The following CDKN2B-AS1 variants were observed in gnomAD, a reference collection of about 807,000 sequenced individuals.
The protein encoded by CDKN2B-AS1 is CDKN2B antisense RNA 1 (non-protein coding).
At chr9:22,054,859 C>T (rs941930156) in intron 3 of CDKN2B-AS1, among the ~76,000 whole-genome samples, 2 of 151,736 alleles carry the variant, frequency 1.3e-5, no homozygotes, top group African/African-American at 4.8e-5. Flanking sequence ...TCAAGCAATT[C>T]TCCTGCCTCT....
chr9:22,064,580 A>G (rs778791189), intron 4 of CDKN2B-AS1, among the ~76,000 whole-genome samples: 2 of 152,210 alleles, frequency 1.3e-5, no homozygotes, highest in Non-Finnish European at 1.5e-5. Flanking sequence ...TTGACCACAA[A>G]TATTCCAAAG....
At chr9:22,087,708 G>A (rs1359376377) in intron 4 of CDKN2B-AS1, among the ~76,000 whole-genome samples, 1 of 152,032 alleles carries the variant, frequency 6.6e-6, no homozygotes, top group Non-Finnish European at 1.5e-5. Flanking sequence ...CTTTGATTTT[G>A]TCATATCCTT....
At position 22,014,780 on chromosome 9, in the gene CDKN2B-AS1, C is replaced by T. The variant is rs1441920891; in HGVS notation, n.29+19619C>T. 4.2e-5 allele frequency among the ~76,000 whole-genome samples: 5 copies of T among 118,106 alleles called. No individual in the cohort carries two copies. In the East Asian group the frequency reaches 1.6e-3, roughly 37 times the overall value. The allele number at this position is 118,106 out of a possible 152,430, so 77.5% of individuals were successfully genotyped here. A position where few individuals can be genotyped will look rare whatever the true frequency, so the allele number is the denominator to read the frequency against. The stretch of plus-strand genomic sequence containing the variant: ...CCCCCTCCCCCCACCCCACAACAGT[C>T]CCCAGAGTGTGATGTTCCCCTTCCT... On this transcript the variant is annotated intron_variant and non_coding_transcript_variant, in intron 1 of 4. Coordinates refer to ENST00000650946, the Ensembl canonical transcript of CDKN2B-AS1.
Position 22,005,746 on chromosome 9 carries a change from C to T in CDKN2B-AS1, n.29+10585C>T. On this transcript the variant is annotated intron_variant and non_coding_transcript_variant, in intron 1 of 4. Transcript: ENST00000650946. The surrounding 1 kb of genome is among the most constrained non-coding windows in gnomAD (Gnocchi z 4.9). Reference sequence around the variant, plus strand: ...GAATGTCACACACTCCTAAATATCCCTGGAAATCCGCTTCTCTGTGTTTCG... The same window carrying T: ...GAATGTCACACACTCCTAAATATCCTTGGAAATCCGCTTCTCTGTGTTTCG... 1.6e-6 allele frequency: 1 copy of T among 607,082 alleles called. No individual in the cohort carries two copies. Among genetic ancestry groups the T allele is most frequent in the Non-Finnish European group, 2.9e-6 (1 of 343,534 alleles). 37.6% of individuals were successfully genotyped at this position (607,082 alleles called of 1,614,324 possible).
chr9:22,102,762 A>G (rs142875667), intron 4 of CDKN2B-AS1, among the ~76,000 whole-genome samples: 2 of 152,326 alleles, frequency 1.3e-5, no homozygotes, highest in African/African-American at 2.4e-5. Flanking sequence ...AAGTGAGGGC[A>G]TGGTGCAGAG....
intron 4 of CDKN2B-AS1, among the ~76,000 whole-genome samples, chr9:22,089,986 C>T (rs1468678814): frequency 1.7e-5 from 2 of 115,928 alleles, no homozygotes; most frequent in African/African-American, 6.6e-5. Flanking sequence ...CCTCCCCCCA[C>T]CCCACAACAG....
chr9:22,104,241 G>T (rs1302269639), intron 4 of CDKN2B-AS1, among the ~76,000 whole-genome samples: 1 of 152,152 alleles, frequency 6.6e-6, no homozygotes, highest in Non-Finnish European at 1.5e-5. Flanking sequence ...ACATTGTAAA[G>T]ATTAACTGGA....
chr9:22,097,636 TA>T (rs1273115648), intron 4 of CDKN2B-AS1, among the ~76,000 whole-genome samples: 1 of 152,204 alleles, frequency 6.6e-6, no homozygotes, highest in Non-Finnish European at 1.5e-5. Context: ...GCCACAACCC[TA>T]AAAGGGAACT....
intron 1 of CDKN2B-AS1, among the ~76,000 whole-genome samples, chr9:22,036,778 G>A (rs1007077330): frequency 5.9e-5 from 9 of 152,016 alleles, no homozygotes; most frequent in African/African-American, 1.7e-4. Flanking sequence ...CCTTTGGAGA[G>A]GTATTATAGA....
chr9:22,034,054 A>C (rs995694579), intron 1 of CDKN2B-AS1, among the ~76,000 whole-genome samples: 1 of 152,220 alleles, frequency 6.6e-6, no homozygotes, highest in South Asian at 2.1e-4. Context: ...AAAGACATGA[A>C]GTTAATGAAT....
At chr9:22,105,928 T>C (rs7859362) in intron 4 of CDKN2B-AS1, among the ~76,000 whole-genome samples, 97,531 of 152,050 alleles carry the variant, frequency 0.64, 33,401 homozygotes, top group African/African-American at 0.9. Context: ...ATGGAGTCAG[T>C]CTGGGAGACT....
intron 4 of CDKN2B-AS1, among the ~76,000 whole-genome samples, chr9:22,084,886 C>A (rs753754919): frequency 1.3e-5 from 2 of 152,070 alleles, no homozygotes; most frequent in Non-Finnish European, 2.9e-5. Flanking sequence ...AGTCATACAG[C>A]TGAAATTGTG....
rs1035736781 is a variant in CDKN2B-AS1, at chr9:22,043,386, A to AT, written n.30-3356dup. 9.9e-5 allele frequency among the ~76,000 whole-genome samples: 15 copies of AT among 151,572 alleles called. No individual in the cohort carries two copies. In the East Asian group the frequency reaches 1.2e-3, roughly 12 times the overall value. On this transcript the variant is annotated intron_variant and non_coding_transcript_variant, in intron 1 of 4. Coordinates refer to ENST00000650946, the Ensembl canonical transcript of CDKN2B-AS1. Reference sequence around the variant, plus strand: ...TTTCCACATTCGCTGCCTTTATAAGATTTTTTTTTCTTCATCAAAATCTAT... The same window carrying AT: ...TTTCCACATTCGCTGCCTTTATAAGATTTTTTTTTTCTTCATCAAAATCTAT...
intron 1 of CDKN2B-AS1, among the ~76,000 whole-genome samples, chr9:22,019,017 C>T (rs1821908391): frequency 6.6e-6 from 1 of 152,126 alleles, no homozygotes; most frequent in Non-Finnish European, 1.5e-5. Flanking sequence ...GAGAGGCAGT[C>T]ATTCCAAGGA....
intron 1 of CDKN2B-AS1, among the ~76,000 whole-genome samples, chr9:22,031,491 A>T (rs1290201414): frequency 1.3e-5 from 2 of 152,190 alleles, no homozygotes; most frequent in African/African-American, 4.8e-5. Flanking sequence ...TGGTCCTGAT[A>T]CTCATGCTTT....
At chr9:22,044,148 G>A (rs939286777) in intron 1 of CDKN2B-AS1, among the ~76,000 whole-genome samples, 8 of 151,964 alleles carry the variant, frequency 5.3e-5, no homozygotes, top group East Asian at 1.9e-4. Flanking sequence ...TAACTAACAC[G>A]ACAAGATGTT....
chr9:22,036,975 T>C (rs1416833890), intron 1 of CDKN2B-AS1, among the ~76,000 whole-genome samples: 1 of 152,080 alleles, frequency 6.6e-6, no homozygotes, highest in East Asian at 1.9e-4. Context: ...AATGTACCAG[T>C]TTGGCTCTGT....
chr9:22,113,558 C>G (rs1825858515), intron 4 of CDKN2B-AS1: 1 of 152,180 alleles, frequency 6.6e-6, no homozygotes, highest in Admixed American at 6.5e-5. Context: ...CCTGCTGCAG[C>G]CTGGTTTCTT....
At position 21,996,485 on chromosome 9, in the gene CDKN2B-AS1, C is replaced by T. The variant is rs1314848661; in HGVS notation, n.29+1324C>T. 6.6e-6 allele frequency among the ~76,000 whole-genome samples: 1 copy of T among 152,122 alleles called. No individual in the cohort carries two copies. Among genetic ancestry groups the T allele is most frequent in the Non-Finnish European group, 1.5e-5 (1 of 68,030 alleles). On this transcript the variant is annotated intron_variant and non_coding_transcript_variant, in intron 1 of 4. Coordinates refer to ENST00000650946, the Ensembl canonical transcript of CDKN2B-AS1. The surrounding 1 kb of genome is among the most constrained non-coding windows in gnomAD (Gnocchi z 5.4). ...TCTTCTGAAGTAAGTAGCCCTTCCT[C>T]AGAAATGCTTCCCTTTTCAGGCACC...
Sources: allele counts gnomAD v4.1 joint callset (sites outside exome capture counted in the v4.1 genomes callset), GRCh38; gene constraint gnomAD v4.1.1; non-coding constraint Gnocchi (gnomAD v3.1); transcripts MANE v1.5; gene names NCBI Gene and HGNC (gene_info 2026-07-23, HGNC 2026-07-21).